SFI1: variants seen among roughly 807,000 people sequenced by gnomAD.
SFI1 encodes the protein SFI1 centrin binding protein.
SFI1 carries 195 observed loss-of-function variants against 207.5 expected under a neutral mutation model. The ratio of observed to expected loss-of-function variants is 0.94; its 90% CI spans 0.84 to 1.06. The LOEUF (loss-of-function observed/expected upper bound fraction) is 1.06, where lower values mean the gene tolerates loss of function less well. Ranked by LOEUF, SFI1 falls within the 50% of genes least tolerant of loss-of-function variation. The probability of loss-of-function intolerance (pLI) is 0.00; values close to 1 mark genes in which losing one functional copy is unlikely to be tolerated. For synonymous variants in SFI1, 630 were observed against 598.9 expected (o/e 1.05, Z -0.76); for missense variants, 1,634 against 1,588.0 (o/e 1.03, Z -0.49).
chr22:31,589,784 TTATTTA>T lies in SFI1; in HGVS notation c.1544+209_1544+214del, dbSNP rs879428421. ...TGGGAAATCTTTTGTCCATCTTTAT[TTATTTA>T]TTTTTTTTGTGTGTGTGTATATATG... On this transcript the variant is annotated intron_variant, in intron 15 of 32. Coordinates refer to ENST00000400288, the MANE Select transcript of SFI1 (RefSeq NM_001007467.3). Among the ~76,000 whole-genome samples, 1,393 of 151,754 alleles carry T rather than the reference TTATTTA, an allele frequency of 9.2e-3. 16 individuals carry two copies. The highest frequency in any genetic ancestry group is 0.048 in the Middle Eastern group (14 of 292).
chr22:31,548,515 C>T (rs1433672955), intron 5 of SFI1, among the ~76,000 whole-genome samples: 3 of 151,432 alleles, frequency 2.0e-5, no homozygotes, highest in Non-Finnish European at 4.4e-5. Context: ...TGGCGGCATG[C>T]GCCTGTAGTA....
chr22:31,533,444 T>G (rs2058704167), intron 4 of SFI1, among the ~76,000 whole-genome samples: 2 of 152,004 alleles, frequency 1.3e-5, no homozygotes, highest in African/African-American at 4.8e-5. Flanking sequence ...GCAGGAGAAT[T>G]GTTTGAACCC....
chr22:31,609,529 T>C (rs1374272946), intron 22 of SFI1, among the ~76,000 whole-genome samples: 1 of 152,158 alleles, frequency 6.6e-6, no homozygotes, highest in Non-Finnish European at 1.5e-5. Context: ...AATTGGCCCA[T>C]AGAGAAATTG....
intron 1 of SFI1, among the ~76,000 whole-genome samples, chr22:31,505,190 G>A (rs2054432032): frequency 6.6e-6 from 1 of 152,182 alleles, no homozygotes; most frequent in Non-Finnish European, 1.5e-5. Context: ...TATAATCCCA[G>A]CACTTTGGGA....
chr22:31,567,736 A>G (rs1210446220), intron 8 of SFI1, among the ~76,000 whole-genome samples: 1 of 152,236 alleles, frequency 6.6e-6, no homozygotes, highest in Non-Finnish European at 1.5e-5. Flanking sequence ...CTTTGGAACT[A>G]TGCATATATT....
intron 4 of SFI1, among the ~76,000 whole-genome samples, chr22:31,531,833 C>T (rs780400067): frequency 6.1e-5 from 9 of 148,626 alleles, no homozygotes; most frequent in African/African-American, 1.7e-4. Flanking sequence ...GCGGAGGTTG[C>T]GATGAGCCAA....
In SFI1 at chr22:31,616,858, GC is replaced by G; in HGVS notation, c.3416del (p.Pro1139LeufsTer48). The G allele has an allele frequency of 6.2e-7, 1 of 1,612,192 alleles. No homozygotes were observed. On this transcript the variant is annotated frameshift_variant, in exon 30 of 33. Transcript: ENST00000400288. LOFTEE classifies it high-confidence loss of function. ...PGDFSATRAG[P>X]GLSTAGSLDL... ...GGGACTTCTCAGCCACCAGGGCTGG[GC>G]CTGGACTTTCAACTGCAGGTGTGTA...
intron 24 of SFI1, chr22:31,612,410 T>C (rs1203585555): frequency 6.3e-5 from 8 of 127,088 alleles, no homozygotes; most frequent in East Asian, 2.6e-4. Flanking sequence ...TATATATATA[T>C]ATATATATAT....
At position 31,611,746 on chromosome 22, in the gene SFI1, G is replaced by A; in HGVS notation, c.2416-20G>A. The A allele has an allele frequency of 6.2e-7, 1 of 1,610,578 alleles. No individual in the cohort carries two copies. Among genetic ancestry groups the A allele is most frequent in the South Asian group, 1.1e-5 (1 of 90,810 alleles). ...AGGCTGGGTCAGGACGCCACTCTCT[G>A]TGCACTTGCTCTCCCCCAGCTCCTG... On this transcript the variant is annotated intron_variant, in intron 23 of 32. Coordinates refer to ENST00000400288, the MANE Select transcript of SFI1 (RefSeq NM_001007467.3).
intron 4 of SFI1, among the ~76,000 whole-genome samples, chr22:31,535,641 C>T (rs1239259136): frequency 6.6e-6 from 1 of 152,082 alleles, no homozygotes. Context: ...GCCTCAGCCT[C>T]CCAAGTGGCT....
chr22:31,602,598 C>T lies in SFI1; in HGVS notation c.1627-9C>T. Reference sequence around the variant, plus strand: ...TTTATTCTGTTCTCTCCTTCCTGTCCTGCCTCAGGCCATCCTTCACGCAGA... The same window carrying T: ...TTTATTCTGTTCTCTCCTTCCTGTCTTGCCTCAGGCCATCCTTCACGCAGA... On this transcript the variant is annotated splice_polypyrimidine_tract_variant and intron_variant, in intron 16 of 32. Coordinates refer to ENST00000400288, the MANE Select transcript of SFI1 (RefSeq NM_001007467.3). 1 of 1,613,958 alleles carries T rather than the reference C, an allele frequency of 6.2e-7. No homozygotes were observed. The highest frequency in any genetic ancestry group is 8.5e-7 in the Non-Finnish European group (1 of 1,179,890).
chr22:31,599,739 G>A (rs769351881), intron 15 of SFI1, among the ~76,000 whole-genome samples: 1 of 152,134 alleles, frequency 6.6e-6, no homozygotes, highest in Non-Finnish European at 1.5e-5. Flanking sequence ...GCCTCTCACT[G>A]TTCTGGGATT....
chr22:31,571,296 T>G lies in SFI1; in HGVS notation c.766-1762T>G, dbSNP rs376278978. On this transcript the variant is annotated intron_variant, in intron 8 of 32. Transcript: ENST00000400288. ...CTGTGTTTCACCTAGTTTAACCGAT[T>G]GTGGTTTTTTGGTTTGGTTTGGTTT... Among the ~76,000 whole-genome samples, 18 of 152,180 alleles carry G rather than the reference T, an allele frequency of 1.2e-4. 1 individual carries two copies. In the East Asian group the frequency reaches 2.3e-3, roughly 20 times the overall value.
chr22:31,588,468 A>G (rs750076258), intron 14 of SFI1, among the ~76,000 whole-genome samples: 3 of 152,192 alleles, frequency 2.0e-5, no homozygotes, highest in Non-Finnish European at 4.4e-5. Flanking sequence ...GGGAACATAG[A>G]TCACTTCTCA....
intron 4 of SFI1, among the ~76,000 whole-genome samples, chr22:31,536,342 A>G (rs2058992899): frequency 6.6e-6 from 1 of 152,196 alleles, no homozygotes; most frequent in Non-Finnish European, 1.5e-5. Context: ...GGTTCCTCAG[A>G]TGCTACTCGG....
At chr22:31,506,541 G>A (rs949401915) in intron 1 of SFI1, among the ~76,000 whole-genome samples, 2 of 152,080 alleles carry the variant, frequency 1.3e-5, no homozygotes, top group East Asian at 1.9e-4. Context: ...AGTGTGGCTC[G>A]CTCTCCTCTC....
At chr22:31,602,351 C>T in intron 16 of SFI1, 58 bp downstream of exon 16, 1 of 1,507,268 alleles carries the variant, frequency 6.6e-7, no homozygotes, top group Non-Finnish European at 9.2e-7. Flanking sequence ...CAAGCCATTG[C>T]ACTCACGGCC....
intron 2 of SFI1, among the ~76,000 whole-genome samples, chr22:31,523,048 C>A (rs1025773783): frequency 6.6e-6 from 1 of 152,100 alleles, no homozygotes; most frequent in Non-Finnish European, 1.5e-5. Flanking sequence ...TTGTTTCCAC[C>A]TTTTGGCTAT....
At chr22:31,537,422 G>A (rs2059099267) in intron 4 of SFI1, among the ~76,000 whole-genome samples, 5 of 152,218 alleles carry the variant, frequency 3.3e-5, no homozygotes, top group Admixed American at 3.3e-4. Flanking sequence ...GGGCTTGGCA[G>A]TGGGTGTTGG....
Sources: allele counts gnomAD v4.1 joint callset (sites outside exome capture counted in the v4.1 genomes callset), GRCh38; gene constraint gnomAD v4.1.1; transcripts MANE v1.5; gene names NCBI Gene and HGNC (gene_info 2026-07-23, HGNC 2026-07-21).